Variants in OR5B17 observed in about 807,000 individuals in gnomAD.
OR5B17 encodes the protein olfactory receptor 5B17.
For missense variants in OR5B17, 444 were observed against 378.7 expected, an observed-to-expected ratio of 1.17 and a Z score of -1.43; for synonymous variants, 150 against 135.8, an observed-to-expected ratio of 1.10 and a Z score of -0.73.
chr11:58,358,745 C>G lies in OR5B17; in HGVS notation c.325G>C (p.Glu109Gln), dbSNP rs1446737147. The G allele has an allele frequency of 3.1e-6, 5 of 1,613,972 alleles. No homozygotes were observed. The highest frequency in any genetic ancestry group is 4.2e-6 in the Non-Finnish European group (5 of 1,180,032). ...GCCATTGAGGACAAGAGGTAATTTT[C>G]CACAGTGGCAAAGACTGCACAAAAG... ...MFFCAVFATVENYLLSSMAYD... is the reference protein window; with the variant it reads ...MFFCAVFATVQNYLLSSMAYD... The change falls in exon 1 of 1, where the codon GAA (glutamate) becomes CAA (glutamine). Residue 109 changes from glutamate (E) to glutamine (Q), a missense_variant. Coordinates refer to ENST00000357377, the MANE Select transcript of OR5B17 (RefSeq NM_001005489.2).
chr11:58,358,544 A>G lies in OR5B17; in HGVS notation c.526T>C (p.Phe176Leu). 1 of 1,614,178 alleles carries G rather than the reference A, an allele frequency of 6.2e-7. No individual in the cohort carries two copies. The highest frequency in any genetic ancestry group is 1.1e-5 in the South Asian group (1 of 91,084). ...GTAATGACTGCTGGTTTGTCACAGA[A>G]AAAGTGATGAATCACATTGGACATG... is the stretch of plus-strand genomic sequence containing the variant. ...FCMSNVIHHFFCDKPAVITLT... is the reference protein window; with the variant it reads ...FCMSNVIHHFLCDKPAVITLT... Residue 176 changes from phenylalanine (F) to leucine (L), a missense_variant, in exon 1 of 1, where the codon TTC (phenylalanine) becomes CTC (leucine). Transcript: ENST00000357377.
At position 58,358,963 on chromosome 11, in the gene OR5B17, G is replaced by A. The variant is rs751549485; in HGVS notation, c.107C>T (p.Thr36Ile). Residue 36 changes from threonine to isoleucine, a missense_variant, in exon 1 of 1, where the codon ACT (threonine) becomes ATT (isoleucine). Transcript: ENST00000357377. The part of the protein sequence containing the change: ...FIMFTLIYLI[T>I]LTGNLGMIIL... ...GATCATCCCCAGGTTCCCAGTCAGA[G>A]TGATGAGGTAGATGAGGGTAAACAT... is the stretch of plus-strand genomic sequence containing the variant. 1.7e-5 allele frequency: 28 copies of A among 1,613,874 alleles called. No homozygotes were observed. In the South Asian group the frequency reaches 2.9e-4, roughly 16 times the overall value.
rs746273972 is a variant in OR5B17, at chr11:58,358,393, C to A, written c.677G>T (p.Arg226Met). 6.2e-7 allele frequency: 1 copy of A among 1,613,948 alleles called. No homozygotes were observed. The highest frequency in any genetic ancestry group is 1.1e-5 in the South Asian group (1 of 91,064). The change falls in exon 1 of 1, where the codon AGG (arginine) becomes ATG (methionine). Residue 226 changes from arginine to methionine, a missense_variant. By Grantham distance (91) the Arg-to-Met change is moderately conservative (BLOSUM62 -1). Transcript: ENST00000357377. Reference sequence around the variant, plus strand: ...CTTCTGGTATCCCTTACCTGTGTGCCTCTTAAGAATGGTGATCAATATGAA... The same window carrying A: ...CTTCTGGTATCCCTTACCTGTGTGCATCTTAAGAATGGTGATCAATATGAA... ...YLFILITILK[R>M]HTGKGYQKPL...
rs769459484 is a variant in OR5B17, at chr11:58,358,823, A to G, written c.247T>C (p.Leu83=). The change falls in exon 1 of 1, where the codon TTG becomes CTG. Residue 83 remains leucine, a synonymous_variant. Coordinates refer to ENST00000357377, the MANE Select transcript of OR5B17 (RefSeq NM_001005489.2). ...GAGATGGCTTTGTCTTCTATAAGCA[A>G]CCCAGTTAAAACCTTTGGAGTGACA... ...SAVTPKVLTG[L]LIEDKAISYS... 1.2e-6 allele frequency: 2 copies of G among 1,614,096 alleles called. No homozygotes were observed.
Position 58,358,660 on chromosome 11 carries a change from C to G in OR5B17, c.410G>C (p.Arg137Pro). 6.2e-7 allele frequency: 1 copy of G among 1,614,082 alleles called. No individual in the cohort carries two copies. Among genetic ancestry groups the G allele is most frequent in the Non-Finnish European group, 8.5e-7 (1 of 1,180,008 alleles). ...GCCTATAGCCAGACAAGCACACACACGTGTTGTCATGGTGGTGGTATAATG... is the reference window on the plus strand; with the variant it reads ...GCCTATAGCCAGACAAGCACACACAGGTGTTGTCATGGTGGTGGTATAATG... ...PLHYTTTMTT[R>P]VCACLAIGCY... The change falls in exon 1 of 1, where the codon CGT becomes CCT. Residue 137 changes from arginine (R) to proline (P), a missense_variant. Coordinates refer to ENST00000357377, the MANE Select transcript of OR5B17 (RefSeq NM_001005489.2).
Position 58,358,518 on chromosome 11 carries a change from A to C in OR5B17, c.552T>G (p.Thr184=), listed in dbSNP as rs1221640926. ...TAATGTGTTTCTCAGAGCAGGTCAGAGTAATGACTGCTGGTTTGTCACAGA... is the reference window on the plus strand; with the variant it reads ...TAATGTGTTTCTCAGAGCAGGTCAGCGTAATGACTGCTGGTTTGTCACAGA... ...HFFCDKPAVI[T]LTCSEKHISE... is the part of the protein sequence containing the mutation. The change falls in exon 1 of 1, where the codon ACT becomes ACG. Residue 184 remains threonine, a synonymous_variant. Transcript: ENST00000357377. The C allele has an allele frequency of 6.2e-7, 1 of 1,614,152 alleles. No homozygotes were observed. The highest frequency in any genetic ancestry group is 2.2e-5 in the East Asian group (1 of 44,868).
Position 58,358,604 on chromosome 11 carries a change from T to C in OR5B17, c.466A>G (p.Ile156Val), listed in dbSNP as rs1244788691. 2 of 1,614,074 alleles carry C rather than the reference T, an allele frequency of 1.2e-6. No individual in the cohort carries two copies. The highest frequency in any genetic ancestry group is 2.2e-5 in the East Asian group (1 of 44,860). Residue 156 changes from isoleucine to valine, a missense_variant, in exon 1 of 1, where the codon ATC becomes GTC. Transcript: ENST00000357377. Reference sequence around the variant, plus strand: ...AGGCGAAATGTATCTCCAATTTGGATAGAAGCATTCAGAAAACCAATGACA... The same window carrying C: ...AGGCGAAATGTATCTCCAATTTGGACAGAAGCATTCAGAAAACCAATGACA... The part of the protein sequence containing the change: ...CYVIGFLNAS[I>V]QIGDTFRLSF...
In OR5B17 at chr11:58,358,860, A is replaced by C. The variant is rs754077695; in HGVS notation, c.210T>G (p.Gly70=). 1 of 1,614,130 alleles carries C rather than the reference A, an allele frequency of 6.2e-7. No homozygotes were observed. The highest frequency in any genetic ancestry group is 1.3e-5 in the African/African-American group (1 of 75,044). The stretch of plus-strand genomic sequence containing the variant: ...CCTTTGGAGTGACAGCTGAGGAGTA[A>C]CCAATGCCTGCAAGAGACAGGTTAC... ...FLSNLSLAGI[G]YSSAVTPKVL... Residue 70 remains glycine (G), a synonymous_variant, in exon 1 of 1, where the codon GGT becomes GGG. Coordinates refer to ENST00000357377, the MANE Select transcript of OR5B17 (RefSeq NM_001005489.2).
In OR5B17 at chr11:58,359,032, A is replaced by T. The variant is rs1421233122; in HGVS notation, c.38T>A (p.Leu13His). ...TAGTTCTGGGGCATTGGTTAGACCA[A>T]GCAGGATGAATTCACTCACCTCTGT... ...NNTEVSEFIL[L>H]GLTNAPELQV... The change falls in exon 1 of 1, where the codon CTT becomes CAT. Residue 13 changes from leucine to histidine, a missense_variant. Physicochemically the swap from Leu to His is moderately conservative, Grantham distance 99 (BLOSUM62 -3). Coordinates refer to ENST00000357377, the MANE Select transcript of OR5B17 (RefSeq NM_001005489.2). 1 of 1,605,486 alleles carries T rather than the reference A, an allele frequency of 6.2e-7. No individual in the cohort carries two copies. The highest frequency in any genetic ancestry group is 8.5e-7 in the Non-Finnish European group (1 of 1,178,600).
rs745553932 is a variant in OR5B17 at position 58,358,658 on chromosome 11, C to T, written c.412G>A (p.Val138Met). Residue 138 changes from valine (V) to methionine (M), a missense_variant, in exon 1 of 1, where the codon GTG becomes ATG. Coordinates refer to ENST00000357377, the MANE Select transcript of OR5B17 (RefSeq NM_001005489.2). ...LHYTTTMTTR[V>M]CACLAIGCYV... is the part of the protein sequence containing the mutation. ...CAGCCTATAGCCAGACAAGCACACA[C>T]ACGTGTTGTCATGGTGGTGGTATAA... 3.1e-6 allele frequency: 5 copies of T among 1,614,012 alleles called. No homozygotes were observed. The African/African-American group carries it at 5.3e-5, about 17-fold the overall frequency.
Position 58,358,615 on chromosome 11 carries a change from A to C in OR5B17, c.455T>G (p.Leu152Arg), listed in dbSNP as rs540566797. 16 of 1,614,188 alleles carry C rather than the reference A, an allele frequency of 9.9e-6. No homozygotes were observed. The East Asian group carries it at 3.1e-4, about 31-fold the overall frequency. ...ATCTCCAATTTGGATAGAAGCATTC[A>C]GAAAACCAATGACATAACAGCCTAT... ...LAIGCYVIGF[L>R]NASIQIGDTF... Residue 152 changes from leucine (L) to arginine (R), a missense_variant, in exon 1 of 1, where the codon CTG (leucine) becomes CGG (arginine). By Grantham distance (102) the Leu-to-Arg change is moderately radical (BLOSUM62 -2). Transcript: ENST00000357377.
chr11:58,359,034 C>A lies in OR5B17; in HGVS notation c.36G>T (p.Leu12=). 5 of 1,604,438 alleles carry A rather than the reference C, an allele frequency of 3.1e-6. No individual in the cohort carries two copies. The highest frequency in any genetic ancestry group is 4.2e-6 in the Non-Finnish European group (5 of 1,178,244). The part of the protein sequence containing the change: ...ENNTEVSEFI[L]LGLTNAPELQ... Reference sequence around the variant, plus strand: ...GTTCTGGGGCATTGGTTAGACCAAGCAGGATGAATTCACTCACCTCTGTAT... The same window carrying A: ...GTTCTGGGGCATTGGTTAGACCAAGAAGGATGAATTCACTCACCTCTGTAT... The change falls in exon 1 of 1, where the codon CTG becomes CTT. Residue 12 remains leucine (L), a synonymous_variant. Coordinates refer to ENST00000357377, the MANE Select transcript of OR5B17 (RefSeq NM_001005489.2).
In OR5B17 at chr11:58,358,776, C is replaced by T; in HGVS notation, c.294G>A (p.Gln98=). 6.2e-7 allele frequency: 1 copy of T among 1,614,144 alleles called. No homozygotes were observed. The highest frequency in any genetic ancestry group is 8.5e-7 in the Non-Finnish European group (1 of 1,180,036). Residue 98 remains glutamine, a synonymous_variant, in exon 1 of 1, where the codon CAG becomes CAA. Coordinates refer to ENST00000357377, the MANE Select transcript of OR5B17 (RefSeq NM_001005489.2). ...TGGCAAAGACTGCACAAAAGAACAT[C>T]TGAGCAGCACAGGCACTGTAGGAGA... ...KAISYSACAA[Q]MFFCAVFATV...
Position 58,358,177 on chromosome 11 carries a change from G to T in OR5B17, c.893C>A (p.Ala298Glu). The change falls in exon 1 of 1, where the codon GCA (alanine) becomes GAA (glutamate). Residue 298 changes from alanine (A) to glutamate (E), a missense_variant. Physicochemically the swap from Ala to Glu is moderately radical, Grantham distance 107. Coordinates refer to ENST00000357377, the MANE Select transcript of OR5B17 (RefSeq NM_001005489.2). ...TGCCTTCTCAACAACCTTCATGAAT[G>T]CATTCTTCACGTCTTTGTTCCTCAG... ...YTLRNKDVKNAFMKVVEKAKY... is the reference protein window; with the variant it reads ...YTLRNKDVKNEFMKVVEKAKY... 7 of 1,607,954 alleles carry T rather than the reference G, an allele frequency of 4.4e-6. No individual in the cohort carries two copies. The highest frequency in any genetic ancestry group is 5.1e-6 in the Non-Finnish European group (6 of 1,176,964).
rs1165036887 is a variant in OR5B17 at position 58,358,194 on chromosome 11, G to A, written c.876C>T (p.Asn292=). 1 of 1,611,338 alleles carries A rather than the reference G, an allele frequency of 6.2e-7. No individual in the cohort carries two copies. The change falls in exon 1 of 1, where the codon AAC becomes AAT. Residue 292 remains asparagine, a synonymous_variant. Transcript: ENST00000357377. ...MLSPIVYTLR[N]KDVKNAFMKV... is the part of the protein sequence containing the mutation. ...TCATGAATGCATTCTTCACGTCTTT[G>A]TTCCTCAGGGTATAGACTATAGGAC...
chr11:58,358,797 G>A lies in OR5B17; in HGVS notation c.273C>T (p.Ser91=), dbSNP rs371309914. 1.2e-5 allele frequency: 20 copies of A among 1,613,998 alleles called. No homozygotes were observed. The highest frequency in any genetic ancestry group is 5.3e-5 in the African/African-American group (4 of 74,924). ...ACATCTGAGCAGCACAGGCACTGTA[G>A]GAGATGGCTTTGTCTTCTATAAGCA... The part of the protein sequence containing the change: ...TGLLIEDKAI[S]YSACAAQMFF... Residue 91 remains serine (S), a synonymous_variant, in exon 1 of 1, where the codon TCC becomes TCT. Transcript: ENST00000357377.
In OR5B17 at chr11:58,358,435, G is replaced by A; in HGVS notation, c.635C>T (p.Thr212Ile). The change falls in exon 1 of 1, where the codon ACC becomes ATC. Residue 212 changes from threonine (T) to isoleucine (I), a missense_variant. Transcript: ENST00000357377. Reference sequence around the variant, plus strand: ...CAATATGAACAGATAGGAAATCAAGGTAACAAGAAGTGCAAAAAAGACATT... The same window carrying A: ...CAATATGAACAGATAGGAAATCAAGATAACAAGAAGTGCAAAAAAGACATT... ...SFNVFFALLV[T>I]LISYLFILIT... The A allele has an allele frequency of 1.2e-6, 2 of 1,613,972 alleles. No individual in the cohort carries two copies. The highest frequency in any genetic ancestry group is 1.7e-6 in the Non-Finnish European group (2 of 1,179,986).
Position 58,358,318 on chromosome 11 carries a change from A to T in OR5B17, c.752T>A (p.Ile251Lys), listed in dbSNP as rs1854520502. Residue 251 changes from isoleucine to lysine, a missense_variant, in exon 1 of 1, where the codon ATA becomes AAA. Transcript: ENST00000357377. ...SHLIAIFLFY[I>K]TVIIMYIRPS... ...TCGTATGTACATGATGATGACAGTT[A>T]TATAAAATAAGAAAATGGCAATGAG... 1.2e-6 allele frequency: 2 copies of T among 1,613,842 alleles called. No homozygotes were observed. Among genetic ancestry groups the T allele is most frequent in the South Asian group, 2.2e-5 (2 of 91,042 alleles).
At position 58,358,133 on chromosome 11, in the gene OR5B17, C is replaced by A; in HGVS notation, c.937G>T (p.Val313Phe). Residue 313 changes from valine (V) to phenylalanine (F), a missense_variant, in exon 1 of 1, where the codon GTC (valine) becomes TTC (phenylalanine). Val to Phe is a conservative substitution (Grantham distance 50). Transcript: ENST00000357377. ...GTGATGATTTTGCATCATTAAAAGA[C>A]TGAATCTAGAGAATATTTTGCCTTC... is the stretch of plus-strand genomic sequence containing the variant. ...VEKAKYSLDS[V>F]F The A allele has an allele frequency of 6.5e-7, 1 of 1,542,186 alleles. No individual in the cohort carries two copies. The highest frequency in any genetic ancestry group is 1.2e-5 in the South Asian group (1 of 84,558).
Sources: gnomAD v4.1 joint callset for allele counts on GRCh38, gnomAD v4.1.1 for gene constraint, MANE v1.5 for transcripts, NCBI Gene and HGNC (gene_info 2026-07-23, HGNC 2026-07-21) for gene names.